Variants in ABCA13 observed in about 807,000 individuals in gnomAD.
The protein encoded by ABCA13 is ATP-binding cassette sub-family A member 13.
ABCA13 carries 476 observed loss-of-function variants against 478.7 expected under a neutral mutation model. The ratio of observed to expected loss-of-function variants is 0.99; its 90% CI spans 0.92 to 1.07. The LOEUF (loss-of-function observed/expected upper bound fraction) is 1.07. Among genes scored for constraint, ABCA13 ranks in the 50% least tolerant of loss-of-function variants. The pLI, the probability that ABCA13 is intolerant of heterozygous loss-of-function variation, is 0.00. For synonymous variants in ABCA13, 2,252 were observed against 2,158.9 expected, an observed-to-expected ratio of 1.04 and a Z score of -1.20; for missense variants, 6,060 against 5,910.6, an observed-to-expected ratio of 1.03 and a Z score of -0.83.
chr7:48,502,359 C>T (rs1292634184), intron 48 of ABCA13, among the ~76,000 whole-genome samples: 4 of 152,150 alleles, frequency 2.6e-5, no homozygotes. Context: ...AATATGAGAA[C>T]ACTGTTTTTA....
intron 7 of ABCA13, among the ~76,000 whole-genome samples, chr7:48,232,090 C>T (rs1789188187): frequency 7.1e-6 from 1 of 140,950 alleles, no homozygotes; most frequent in South Asian, 2.3e-4. Context: ...CCACCTGTTG[C>T]TTCTTTCTTC....
chr7:48,354,010 G>A (rs1195902003), intron 31 of ABCA13, among the ~76,000 whole-genome samples: 2 of 152,014 alleles, frequency 1.3e-5, no homozygotes, highest in Non-Finnish European at 2.9e-5. Context: ...GGAGGTGATA[G>A]CAGCAGGAGC....
At chr7:48,208,033 A>G (rs1193193572) in intron 3 of ABCA13, among the ~76,000 whole-genome samples, 1 of 152,108 alleles carries the variant, frequency 6.6e-6, no homozygotes, top group African/African-American at 2.4e-5. Context: ...CACTCTTAGC[A>G]GCATTTATTG....
At chr7:48,355,965 A>G (rs1809839726) in intron 31 of ABCA13, among the ~76,000 whole-genome samples, 1 of 151,728 alleles carries the variant, frequency 6.6e-6, no homozygotes, top group South Asian at 2.1e-4. Context: ...TTAGAACTCT[A>G]AGATATTACC....
intron 1 of ABCA13, among the ~76,000 whole-genome samples, chr7:48,185,747 G>T (rs1380474445): frequency 6.6e-6 from 1 of 152,024 alleles, no homozygotes; most frequent in Non-Finnish European, 1.5e-5. Context: ...AATACTTGCT[G>T]TTGTAGAAAG....
At chr7:48,456,534 C>T (rs1006757655) in intron 43 of ABCA13, among the ~76,000 whole-genome samples, 1 of 152,140 alleles carries the variant, frequency 6.6e-6, no homozygotes, top group Non-Finnish European at 1.5e-5. Flanking sequence ...CTACAGTAAA[C>T]CTACTGGGAT....
chr7:48,396,067 C>A (rs955484690), intron 38 of ABCA13, among the ~76,000 whole-genome samples: 1 of 152,208 alleles, frequency 6.6e-6, no homozygotes, highest in Non-Finnish European at 1.5e-5. Flanking sequence ...TGGTGCTAGG[C>A]TCCCACCAGG....
chr7:48,363,937 T>C (rs1414776497), intron 31 of ABCA13, among the ~76,000 whole-genome samples: 1 of 152,224 alleles, frequency 6.6e-6, no homozygotes, highest in African/African-American at 2.4e-5. Context: ...ATCTGTTCAA[T>C]GAGACCAACT....
intron 59 of ABCA13, among the ~76,000 whole-genome samples, chr7:48,624,306 A>G (rs1793453663): frequency 6.6e-6 from 1 of 152,102 alleles, no homozygotes; most frequent in Non-Finnish European, 1.5e-5. Context: ...GCATATTCCC[A>G]ACTTACCTGG....
intron 27 of ABCA13, 95 bp downstream of exon 27, chr7:48,317,391 G>A (rs1802753081): frequency 1.5e-6 from 2 of 1,329,832 alleles, no homozygotes; most frequent in East Asian, 2.5e-5. Context: ...ATGCGCCTTG[G>A]ATTATGTAGA....
intron 41 of ABCA13, among the ~76,000 whole-genome samples, chr7:48,415,973 C>T (rs894842561): frequency 2.6e-5 from 4 of 152,068 alleles, no homozygotes; most frequent in South Asian, 4.1e-4. Flanking sequence ...GCCTCCCTTC[C>T]TCCTTCCTGC....
chr7:48,324,759 C>G (rs1188401057), intron 27 of ABCA13, among the ~76,000 whole-genome samples: 1 of 152,208 alleles, frequency 6.6e-6, no homozygotes, highest in Non-Finnish European at 1.5e-5. Context: ...CCCCACTGAA[C>G]CTTGGATGCT....
intron 43 of ABCA13, among the ~76,000 whole-genome samples, chr7:48,459,566 C>T (rs897950254): frequency 1.3e-5 from 2 of 152,188 alleles, no homozygotes; most frequent in African/African-American, 4.8e-5. Context: ...GCTCTCTCAT[C>T]TGAATGTCTG....
chr7:48,212,560 C>T (rs1412265626), intron 3 of ABCA13, among the ~76,000 whole-genome samples: 1 of 152,208 alleles, frequency 6.6e-6, no homozygotes, highest in Admixed American at 6.5e-5. Context: ...AACATCAATA[C>T]ATAAGAATTC....
intron 15 of ABCA13, among the ~76,000 whole-genome samples, chr7:48,263,943 TC>T (rs1340968836): frequency 6.6e-6 from 1 of 151,918 alleles, no homozygotes; most frequent in African/African-American, 2.4e-5. Context: ...TTCTCTATTG[TC>T]AATTCCGGCT....
intron 42 of ABCA13, among the ~76,000 whole-genome samples, chr7:48,433,660 T>C (rs1822452871): frequency 6.6e-6 from 1 of 152,010 alleles, no homozygotes; most frequent in Admixed American, 6.6e-5. Context: ...TGAAACTCTG[T>C]ACCAATTAGA....
chr7:48,608,151 G>T (rs1791661567), intron 58 of ABCA13, among the ~76,000 whole-genome samples: 1 of 152,204 alleles, frequency 6.6e-6, no homozygotes, highest in South Asian at 2.1e-4. Flanking sequence ...AAAGTGCTGG[G>T]ATTACAGGCA....
chr7:48,238,847 T>G (rs564342492), intron 8 of ABCA13, among the ~76,000 whole-genome samples: 1 of 152,372 alleles, frequency 6.6e-6, no homozygotes, highest in African/African-American at 2.4e-5. Context: ...GACTTCAATT[T>G]GAATCTTTCC....
At chr7:48,364,006 C>A (rs1811288750) in intron 31 of ABCA13, among the ~76,000 whole-genome samples, 1 of 152,048 alleles carries the variant, frequency 6.6e-6, no homozygotes, top group Admixed American at 6.6e-5. Flanking sequence ...CTTTTTATTT[C>A]TTGCCCAAAT....
Sources: allele counts gnomAD v4.1 joint callset (sites outside exome capture counted in the v4.1 genomes callset), GRCh38; gene constraint gnomAD v4.1.1; transcripts MANE v1.5; gene names NCBI Gene and HGNC (gene_info 2026-07-23, HGNC 2026-07-21).